SEL1L3: variants seen among roughly 807,000 people sequenced by gnomAD.
The protein encoded by SEL1L3 is protein sel-1 homolog 3.
Under a neutral mutation model 142.8 loss-of-function variants are expected in SEL1L3, and 76 were observed. The observed-to-expected ratio is 0.53, with a 90% confidence interval of 0.44 to 0.64. SEL1L3 has a LOEUF of 0.64. SEL1L3 is among the 30% of genes least tolerant of loss of function. SEL1L3 has a pLI of 0.00. For missense variants in SEL1L3, 1,262 were observed against 1,381.7 expected (o/e 0.91, Z 1.37); for synonymous variants, 504 against 519.6 (o/e 0.97, Z 0.41).
rs1309168754 is a variant in SEL1L3, at chr4:25,757,555, G to A, written c.3238C>T (p.Gln1080Ter). Residue 1080 changes from glutamine (Q) to a stop codon, truncating the protein, a stop_gained, in exon 23 of 24, where the codon CAG (glutamine) becomes TAG (stop). Transcript: ENST00000399878. LOFTEE classifies it low-confidence loss of function (END_TRUNC). The stretch of plus-strand genomic sequence containing the variant: ...TTACCTGAGACAGACTGGAAATACT[G>A]CACAGTCCAGGCGATCAATATGGAT... ...LLSILIAWTV[Q>*]YFQSVSASDP... The A allele has an allele frequency of 6.5e-7, 1 of 1,547,296 alleles. No homozygotes were observed. Among genetic ancestry groups the A allele is most frequent in the East Asian group, 2.5e-5 (1 of 40,794 alleles).
chr4:25,810,450 A>G (rs778437182), intron 9 of SEL1L3, among the ~76,000 whole-genome samples: 14 of 152,172 alleles, frequency 9.2e-5, no homozygotes, highest in Non-Finnish European at 1.9e-4. Flanking sequence ...TTTGAATTCA[A>G]ACGGCTCAGT....
chr4:25,735,428 C>G, the SEL1L3 span, among the ~76,000 whole-genome samples: 1 of 152,000 alleles, frequency 6.6e-6, no homozygotes, highest in Non-Finnish European at 1.5e-5. Context: ...TGTCTTTTCT[C>G]TAGAGCTTTT....
intron 11 of SEL1L3, 55 bp from the exon 12 acceptor site, chr4:25,790,629 A>C: frequency 4.5e-5 from 1 of 22,010 alleles, no homozygotes; most frequent in Non-Finnish European, 9.4e-5. Context: ...GAAGGAAGGA[A>C]GGAAGGAAGG....
At chr4:25,841,417 G>A (rs1043459292) in intron 2 of SEL1L3, among the ~76,000 whole-genome samples, 1 of 152,164 alleles carries the variant, frequency 6.6e-6, no homozygotes, top group Non-Finnish European at 1.5e-5. Context: ...CACACAAAGT[G>A]CTTAACACAC....
Position 25,847,304 on chromosome 4 carries a change from A to G in SEL1L3, c.723T>C (p.Pro241=). The change falls in exon 2 of 24, where the codon CCT becomes CCC. Residue 241 remains proline (P), a synonymous_variant. Coordinates refer to ENST00000399878, the MANE Select transcript of SEL1L3 (RefSeq NM_015187.5). The part of the protein sequence containing the change: ...NLRANRIPQC[P]LENDVVALLG... The stretch of plus-strand genomic sequence containing the variant: ...AGATAGATGACCTACCATTTTCCAG[A>G]GGACACTGTGGAATCCTGTTTGCCC... 1 of 1,610,470 alleles carries G rather than the reference A, an allele frequency of 6.2e-7. No individual in the cohort carries two copies. Among genetic ancestry groups the G allele is most frequent in the Non-Finnish European group, 8.5e-7 (1 of 1,178,010 alleles).
intron 11 of SEL1L3, among the ~76,000 whole-genome samples, chr4:25,798,125 C>T (rs890951930): frequency 1.3e-5 from 2 of 152,082 alleles, no homozygotes; most frequent in Non-Finnish European, 2.9e-5. Flanking sequence ...GGAACCAGAT[C>T]GAAGAACGTC....
chr4:25,854,917 C>T (rs777102755), intron 1 of SEL1L3, among the ~76,000 whole-genome samples: 21 of 152,180 alleles, frequency 1.4e-4, no homozygotes, highest in Admixed American at 3.3e-4. Context: ...AGAGAAACTT[C>T]GGGGTGGGGC....
chr4:25,854,703 G>A (rs1717126165), intron 1 of SEL1L3, among the ~76,000 whole-genome samples: 1 of 152,230 alleles, frequency 6.6e-6, no homozygotes, highest in Admixed American at 6.5e-5. Context: ...TTTCATATGT[G>A]TGTAGTTGAT....
intron 21 of SEL1L3, 141 bp from the exon 22 acceptor site, chr4:25,757,931 A>T: frequency 1.6e-6 from 1 of 641,836 alleles, no homozygotes. Context: ...ATGAGAGACA[A>T]AGAAATAAAG....
chr4:25,833,224 A>G (rs1165198041), intron 4 of SEL1L3, 114 bp from the exon 5 acceptor site: 23 of 742,052 alleles, frequency 3.1e-5, no homozygotes, highest in Non-Finnish European at 5.0e-5. Flanking sequence ...ACGAAAACAA[A>G]GCAAAACCCA....
chr4:25,779,894 G>A (rs1307750457), intron 15 of SEL1L3, among the ~76,000 whole-genome samples: 2 of 152,096 alleles, frequency 1.3e-5, no homozygotes, highest in African/African-American at 4.8e-5. Flanking sequence ...TGGGCATGTT[G>A]GTTAATCTCT....
intron 20 of SEL1L3, 78 bp from the exon 21 acceptor site, chr4:25,759,146 T>C: frequency 6.7e-7 from 1 of 1,501,218 alleles, no homozygotes; most frequent in Non-Finnish European, 8.9e-7. Flanking sequence ...AGAATGTAAA[T>C]GTTTACAACC....
intron 8 of SEL1L3, among the ~76,000 whole-genome samples, chr4:25,818,678 C>G (rs1255086444): frequency 6.6e-6 from 1 of 152,114 alleles, no homozygotes; most frequent in Non-Finnish European, 1.5e-5. Flanking sequence ...GCATGCCTGG[C>G]CTTCTATCTC....
At chr4:25,845,105 T>G (rs1255346967) in intron 2 of SEL1L3, among the ~76,000 whole-genome samples, 1 of 152,222 alleles carries the variant, frequency 6.6e-6, no homozygotes, top group Non-Finnish European at 1.5e-5. Context: ...GTTAACAGTA[T>G]TAGATCAGCA....
At chr4:25,761,987 T>C (rs896766122) in intron 20 of SEL1L3, among the ~76,000 whole-genome samples, 1 of 152,230 alleles carries the variant, frequency 6.6e-6, no homozygotes, top group Non-Finnish European at 1.5e-5. Context: ...GGAATCTCAC[T>C]CTGTTGCCCA....
At chr4:25,826,415 C>T (rs1379169006) in intron 6 of SEL1L3, among the ~76,000 whole-genome samples, 1 of 152,152 alleles carries the variant, frequency 6.6e-6, no homozygotes, top group African/African-American at 2.4e-5. Context: ...CTGGGAACAC[C>T]TATAACCAGT....
At chr4:25,746,526 ATT>A (rs57977709), downstream of SEL1L3, among the ~76,000 whole-genome samples, 8 of 137,702 alleles carry the variant, frequency 5.8e-5, no homozygotes, top group African/African-American at 8.2e-5. Context: ...ATATATATAT[ATT>A]TAAATATATA....
chr4:25,788,569 CGTGTGT>C lies in SEL1L3; in HGVS notation c.2077-211_2077-206del, dbSNP rs58435041. ...CCCTTAATGCAAGCCAGAAATGGTT[CGTGTGT>C]GTGTGTGTGTGTGTGTGTGTGTGTG... On this transcript the variant is annotated intron_variant, in intron 12 of 23. Coordinates refer to ENST00000399878, the MANE Select transcript of SEL1L3 (RefSeq NM_015187.5). The surrounding 1 kb of genome is among the most constrained non-coding windows in gnomAD (Gnocchi z 5.3). Among the ~76,000 whole-genome samples the C allele has an allele frequency of 0.3, 41,416 of 139,832 alleles. 6,016 individuals are homozygous for C. Among genetic ancestry groups the C allele is most frequent in the Admixed American group, 0.37 (5,192 of 14,126 alleles). 91.7% of individuals were successfully genotyped at this position (139,832 alleles called of 152,430 possible).
intron 23 of SEL1L3, among the ~76,000 whole-genome samples, chr4:25,752,335 T>A (rs10000681): frequency 0.25 from 36,191 of 147,276 alleles, 4,451 homozygotes; most frequent in Admixed American, 0.29. Context: ...GAGAATGGCA[T>A]GAACCCCGGA....
Sources: allele counts gnomAD v4.1 joint callset (sites outside exome capture counted in the v4.1 genomes callset), GRCh38; gene constraint gnomAD v4.1.1; non-coding constraint Gnocchi (gnomAD v3.1); transcripts MANE v1.5; gene names NCBI Gene and HGNC (gene_info 2026-07-23, HGNC 2026-07-21).